Variants in DNER observed in about 807,000 individuals in gnomAD.
DNER encodes delta/notch like EGF repeat containing.
In DNER, 33 loss-of-function variants were observed where a neutral mutation model predicts 78.2. That is an observed-to-expected ratio of 0.42 (90% CI 0.32 to 0.56). The LOEUF (loss-of-function observed/expected upper bound fraction) is 0.56, where lower values mean the gene tolerates loss of function less well. Ranked by LOEUF, DNER falls within the 20% of genes least tolerant of loss-of-function variation. The pLI is 0.11. For missense variants in DNER, 918 were observed against 975.3 expected (o/e 0.94, Z 0.78); for synonymous variants, 417 against 384.8 (o/e 1.08, Z -0.98).
intron 4 of DNER, among the ~76,000 whole-genome samples, chr2:229,557,056 AAGT>A (rs1240788992): frequency 6.6e-6 from 1 of 152,198 alleles, no homozygotes; most frequent in African/African-American, 2.4e-5. Context: ...GTCAGAAGCA[AAGT>A]AGCCCTCAGG....
chr2:229,525,977 C>A (rs1482847966), intron 5 of DNER, among the ~76,000 whole-genome samples: 7 of 152,140 alleles, frequency 4.6e-5, no homozygotes, highest in African/African-American at 1.7e-4. Context: ...TTAATTAAAT[C>A]TTATTAAATG....
chr2:229,372,056 C>T (rs1035653766), intron 11 of DNER, among the ~76,000 whole-genome samples: 3 of 151,972 alleles, frequency 2.0e-5, no homozygotes, highest in African/African-American at 2.4e-5. Context: ...GGAATGAATG[C>T]GAAAAGGGAA....
intron 9 of DNER, among the ~76,000 whole-genome samples, chr2:229,414,668 T>G (rs180994637): frequency 5.9e-5 from 9 of 152,308 alleles, no homozygotes; most frequent in African/African-American, 1.9e-4. Context: ...TGTTGAAATT[T>G]TTCCTTAAGA....
At chr2:229,459,625 A>G (rs758158968) in intron 7 of DNER, among the ~76,000 whole-genome samples, 6 of 152,144 alleles carry the variant, frequency 3.9e-5, no homozygotes, top group South Asian at 2.1e-4. Flanking sequence ...TGGGAAAAAT[A>G]ACATTCAATC....
intron 6 of DNER, among the ~76,000 whole-genome samples, chr2:229,508,538 G>A (rs552901875): frequency 3.2e-3 from 485 of 152,116 alleles, no homozygotes; most frequent in Non-Finnish European, 4.6e-3. Flanking sequence ...AATTTTAAAA[G>A]AATTAAAAAT....
At chr2:229,659,614 G>T (rs1698973293) in intron 1 of DNER, among the ~76,000 whole-genome samples, 1 of 152,072 alleles carries the variant, frequency 6.6e-6, no homozygotes, top group Non-Finnish European at 1.5e-5. Context: ...AGAGTCTGAT[G>T]GAAGTTATGA....
intron 10 of DNER, among the ~76,000 whole-genome samples, chr2:229,400,886 G>C (rs1256523118): frequency 6.6e-6 from 1 of 152,042 alleles, no homozygotes; most frequent in Non-Finnish European, 1.5e-5. Context: ...GAGAGAAGGA[G>C]TAACATTATA....
chr2:229,398,282 CA>C (rs1038070175), intron 10 of DNER, among the ~76,000 whole-genome samples: 2 of 151,426 alleles, frequency 1.3e-5, no homozygotes, highest in South Asian at 2.1e-4. Flanking sequence ...ACTACTTCCT[CA>C]AAAAAAAATC....
intron 1 of DNER, among the ~76,000 whole-genome samples, chr2:229,655,354 T>C (rs1698895035): frequency 6.6e-6 from 1 of 152,078 alleles, no homozygotes; most frequent in South Asian, 2.1e-4. Context: ...TAAGAAATGA[T>C]AACTAAGACC....
intron 9 of DNER, among the ~76,000 whole-genome samples, chr2:229,409,342 C>T (rs549594587): frequency 6.6e-6 from 1 of 151,652 alleles, no homozygotes. Context: ...GGAAATACGG[C>T]CACCACCAAA....
intron 11 of DNER, among the ~76,000 whole-genome samples, chr2:229,376,912 T>G (rs1400069120): frequency 1.3e-5 from 2 of 152,190 alleles, no homozygotes; most frequent in African/African-American, 4.8e-5. Context: ...TAATAAGAAC[T>G]GCCCATATAA....
intron 6 of DNER, among the ~76,000 whole-genome samples, chr2:229,512,115 T>C (rs2154212284): frequency 6.6e-6 from 1 of 152,262 alleles, no homozygotes; most frequent in African/African-American, 2.4e-5. Flanking sequence ...GGGCAAAGTG[T>C]CTTATGCCTG....
intron 1 of DNER, among the ~76,000 whole-genome samples, chr2:229,605,444 C>A (rs7599546): frequency 0.035 from 5,315 of 152,270 alleles, 137 homozygotes; most frequent in Middle Eastern, 0.099. Context: ...ACTGATCATT[C>A]AAATTATCTC....
At chr2:229,561,053 T>A (rs1279111117) in intron 4 of DNER, among the ~76,000 whole-genome samples, 1 of 152,202 alleles carries the variant, frequency 6.6e-6, no homozygotes, top group Non-Finnish European at 1.5e-5. Context: ...AGGTTACTTG[T>A]GGTTTGCTTG....
chr2:229,529,248 G>A (rs987003083), intron 5 of DNER, among the ~76,000 whole-genome samples: 10 of 151,676 alleles, frequency 6.6e-5, no homozygotes, highest in Non-Finnish European at 2.9e-5. Flanking sequence ...CCTAACAATA[G>A]AGGAGCGAGC....
chr2:229,658,778 G>A (rs949893197), intron 1 of DNER, among the ~76,000 whole-genome samples: 12 of 152,010 alleles, frequency 7.9e-5, no homozygotes, highest in Non-Finnish European at 4.4e-5. Flanking sequence ...TCTAGATTTC[G>A]ACATGATTTT....
chr2:229,657,192 G>A (rs4972910), intron 1 of DNER, among the ~76,000 whole-genome samples: 80,281 of 151,740 alleles, frequency 0.53, 21,429 homozygotes, highest in Non-Finnish European at 0.55. Flanking sequence ...TTCTGCTTCT[G>A]TGAGTTTGAT....
Position 229,447,413 on chromosome 2 carries a change from C to G in DNER, c.1389G>C (p.Pro463=). ...AGAAGTCAATAAGCTGGGCACAGGT[C>G]GGCCCTGTGAAGCCCGGGCTGCAGT... The part of the protein sequence containing the change: ...TCNCSPGFTG[P]TCAQLIDFCA... The change falls in exon 8 of 13, where the codon CCG becomes CCC. Residue 463 remains proline (P), a synonymous_variant. Transcript: ENST00000341772. The G allele has an allele frequency of 1.9e-6, 3 of 1,613,900 alleles. No individual in the cohort carries two copies. Among genetic ancestry groups the G allele is most frequent in the South Asian group, 2.2e-5 (2 of 90,962 alleles).
rs370947900 is a variant in DNER, at chr2:229,591,716, G to T, written c.449C>A (p.Pro150His). The change falls in exon 2 of 13, where the codon CCC becomes CAC. Residue 150 changes from proline to histidine, a missense_variant. By Grantham distance (77) the Pro-to-His change is moderately conservative. Transcript: ENST00000341772. The surrounding 1 kb of genome is among the most constrained non-coding windows in gnomAD (Gnocchi z 4.6). Reference sequence around the variant, plus strand: ...AGCAGGAACAGGCTGAAGCTGTCGGGGTGCCATGGATTCGGTCCAGCCAGT... The same window carrying T: ...AGCAGGAACAGGCTGAAGCTGTCGGTGTGCCATGGATTCGGTCCAGCCAGT... The part of the protein sequence containing the change: ...PATGWTESMA[P>H]RQLQPVPATQ... The T allele has an allele frequency of 1.9e-6, 3 of 1,614,170 alleles. No individual in the cohort carries two copies. The Admixed American group carries it at 5.0e-5, about 27-fold the overall frequency.
Sources: allele counts gnomAD v4.1 joint callset (sites outside exome capture counted in the v4.1 genomes callset), GRCh38; gene constraint gnomAD v4.1.1; non-coding constraint Gnocchi (gnomAD v3.1); transcripts MANE v1.5; gene names NCBI Gene and HGNC (gene_info 2026-07-23, HGNC 2026-07-21).